The following ODF2 variants were observed in gnomAD, a reference collection of about 807,000 sequenced individuals.
ODF2 encodes the protein outer dense fiber protein 2.
Under a neutral mutation model 110.2 loss-of-function variants are expected in ODF2, and 47 were observed. The ratio of observed to expected loss-of-function variants is 0.43; its 90% CI spans 0.34 to 0.54. The LOEUF (loss-of-function observed/expected upper bound fraction) is 0.54. Among genes scored for constraint, ODF2 ranks in the 20% least tolerant of loss-of-function variants. ODF2 has a pLI of 0.03. For synonymous variants in ODF2, 352 were observed against 397.7 expected (o/e 0.89, Z 1.37); for missense variants, 812 against 1,054.5 (o/e 0.77, Z 3.19).
intron 18 of ODF2, 107 bp from the exon 19 acceptor site, chr9:128,498,306 C>A: frequency 1.1e-5 from 15 of 1,392,240 alleles, no homozygotes; most frequent in Non-Finnish European, 1.4e-5. Flanking sequence ...CTTGGAGATT[C>A]TTGGCATGAT....
At chr9:128,460,136 C>T (rs534594554) in intron 3 of ODF2, 5 of 1,295,226 alleles carry the variant, frequency 3.9e-6, no homozygotes, top group Non-Finnish European at 5.0e-6. Context: ...TGTGTGTTTC[C>T]CACGCCAATC....
chr9:128,483,868 G>C (rs1218795158), intron 10 of ODF2, 70 bp from the exon 11 acceptor site: 5 of 1,084,530 alleles, frequency 4.6e-6, no homozygotes, highest in Non-Finnish European at 7.1e-6. Context: ...CCTGGGAAAC[G>C]GAGCAAGACT....
At chr9:128,455,436 C>T (rs1014788882), upstream of ODF2, 10 of 359,722 alleles carry the variant, frequency 2.8e-5, no homozygotes, top group African/African-American at 1.9e-4. Flanking sequence ...CGCCAGTAGT[C>T]CCAGTTACTC....
intron 1 of ODF2, chr9:128,456,529 C>T (rs1834826842): frequency 1.3e-6 from 2 of 1,527,474 alleles, no homozygotes; most frequent in Admixed American, 2.0e-5. Flanking sequence ...GCGGGCAGGG[C>T]TTCACCTTTC....
At chr9:128,473,589 G>T in intron 7 of ODF2, 21 bp from the exon 8 acceptor site, 1 of 1,612,432 alleles carries the variant, frequency 6.2e-7, no homozygotes, top group South Asian at 1.1e-5. Flanking sequence ...GCATCTGTAA[G>T]ACTGGCTACT....
chr9:128,491,940 T>C (rs930341266), intron 14 of ODF2, among the ~76,000 whole-genome samples: 1 of 151,134 alleles, frequency 6.6e-6, no homozygotes, highest in Non-Finnish European at 1.5e-5. Flanking sequence ...GATCTCACCT[T>C]ACTGCAAGCT....
At chr9:128,472,577 T>C (rs1429451899) in intron 6 of ODF2, among the ~76,000 whole-genome samples, 1 of 151,734 alleles carries the variant, frequency 6.6e-6, no homozygotes, top group Admixed American at 6.6e-5. Context: ...AGAGAAGAGG[T>C]AGAAGGGCTC....
At chr9:128,463,826 G>A (rs1036361590) in intron 4 of ODF2, among the ~76,000 whole-genome samples, 3 of 124,924 alleles carry the variant, frequency 2.4e-5, no homozygotes, top group Non-Finnish European at 5.0e-5. Flanking sequence ...GTATGGCAAG[G>A]TTTAATGCTT....
chr9:128,481,539 T>C (rs764041527), intron 8 of ODF2, 41 bp from the exon 9 acceptor site: 16 of 1,495,140 alleles, frequency 1.1e-5, no homozygotes, highest in African/African-American at 1.4e-5. Context: ...TCTGGGTTTA[T>C]TGCTTAATGA....
intron 8 of ODF2, among the ~76,000 whole-genome samples, chr9:128,477,136 G>T (rs1841447628): frequency 1.3e-5 from 2 of 151,404 alleles, no homozygotes; most frequent in South Asian, 4.2e-4. Flanking sequence ...GGAGGCTGAG[G>T]CAGGAGAATT....
chr9:128,459,744 G>C, intron 3 of ODF2, 87 bp downstream of exon 2: 1 of 969,762 alleles, frequency 1.0e-6, no homozygotes, highest in Non-Finnish European at 1.6e-6. Context: ...GCCTTACCCT[G>C]CTGGGCACCA....
intron 2 of ODF2, among the ~76,000 whole-genome samples, chr9:128,458,935 C>T (rs1046807376): frequency 1.3e-5 from 2 of 152,070 alleles, no homozygotes; most frequent in African/African-American, 4.8e-5. Context: ...GCCTCCACCT[C>T]CCAGGCTTAA....
At chr9:128,466,298 T>A (rs941750984) in intron 4 of ODF2, among the ~76,000 whole-genome samples, 6 of 151,896 alleles carry the variant, frequency 4.0e-5, no homozygotes, top group Non-Finnish European at 7.4e-5. Flanking sequence ...AAACCGTATC[T>A]CTACCAAAAA....
At chr9:128,489,614 C>T (rs1165527459) in intron 14 of ODF2, among the ~76,000 whole-genome samples, 1 of 152,216 alleles carries the variant, frequency 6.6e-6, no homozygotes, top group African/African-American at 2.4e-5. Flanking sequence ...TATGAACACA[C>T]CACAGTATAT....
upstream of ODF2, chr9:128,455,339 C>T (rs936244708): frequency 4.6e-5 from 40 of 878,984 alleles, no homozygotes; most frequent in African/African-American, 5.9e-4. Context: ...ATCATGAGGT[C>T]AGGAGATGGA....
intron 8 of ODF2, among the ~76,000 whole-genome samples, chr9:128,480,427 G>A (rs1292142314): frequency 3.3e-5 from 5 of 152,164 alleles, no homozygotes; most frequent in Non-Finnish European, 7.3e-5. Context: ...AGATCTCCTA[G>A]CAGATTTCAA....
chr9:128,496,435 G>T, intron 18 of ODF2: 2 of 958,370 alleles, frequency 2.1e-6, no homozygotes, highest in Non-Finnish European at 2.8e-6. Context: ...GGAGGGCCCA[G>T]TTTGAATGGA....
rs538630743 is a variant in ODF2 at position 128,487,846 on chromosome 9, T to G, written c.1401-44T>G. 14 of 1,608,152 alleles carry G rather than the reference T, an allele frequency of 8.7e-6. No individual in the cohort carries two copies. In the Admixed American group the frequency reaches 2.3e-4, roughly 27 times the overall value. On this transcript the variant is annotated intron_variant, in intron 13 of 20. Transcript: ENST00000604420. Reference sequence around the variant, plus strand: ...ACACACACACACACAAACAAACCTGTGTAATTGATTCTCTCTGTCTGCTTT... The same window carrying G: ...ACACACACACACACAAACAAACCTGGGTAATTGATTCTCTCTGTCTGCTTT...
At position 128,487,454 on chromosome 9, in the gene ODF2, C is replaced by A. The variant is rs540855965; in HGVS notation, c.1401-436C>A. Among the ~76,000 whole-genome samples the A allele has an allele frequency of 1.2e-4, 19 of 152,154 alleles. No homozygotes were observed. In the South Asian group the frequency reaches 3.9e-3, roughly 32 times the overall value. On this transcript the variant is annotated intron_variant, in intron 13 of 20. Transcript: ENST00000604420. The stretch of plus-strand genomic sequence containing the variant: ...CAGGCAGTATATTGAGTGATGAGAA[C>A]GCTGGGTCCCACACCACACAAAGAC...
Sources: gnomAD v4.1 joint callset for allele counts (sites outside exome capture counted in the v4.1 genomes callset) on GRCh38, gnomAD v4.1.1 for gene constraint, MANE v1.5 for transcripts, NCBI Gene and HGNC (gene_info 2026-07-23, HGNC 2026-07-21) for gene names.